Variants in GPHN observed in about 807,000 individuals in gnomAD.
GPHN encodes gephyrin.
In GPHN, 17 loss-of-function variants were observed where a neutral mutation model predicts 95.5. The observed-to-expected ratio is 0.18, with a 90% CI of 0.12 to 0.27. The LOEUF is 0.27. Ranked by LOEUF, GPHN falls within the 10% of genes least tolerant of loss-of-function variation. The pLI is 1.00. For missense variants in GPHN, 660 were observed against 978.1 expected, an observed-to-expected ratio of 0.67 and a Z score of 4.34; for synonymous variants, 320 against 322.5, an observed-to-expected ratio of 0.99 and a Z score of 0.08.
At position 66,757,010 on chromosome 14, in the gene GPHN, C is replaced by T. The variant is rs2058580914; in HGVS notation, c.144-19454C>T. On this transcript the variant is annotated intron_variant, in intron 2 of 22. Transcript: ENST00000478722. ...ATGCCACAGATACTTGAGTTCAGCT[C>T]ATTAAATTTTCTATTATTTCATTAA... Among the ~76,000 whole-genome samples, 6 of 152,158 alleles carry T rather than the reference C, an allele frequency of 3.9e-5. No individual in the cohort carries two copies. The South Asian group carries it at 1.0e-3, about 26-fold the overall frequency.
chr14:67,298,963 A>C, the GPHN span, among the ~76,000 whole-genome samples: 28 of 152,208 alleles, frequency 1.8e-4, no homozygotes, highest in Admixed American at 1.8e-3. Context: ...TTTGCTTAGT[A>C]TAATGTTTTT....
intron 2 of GPHN, among the ~76,000 whole-genome samples, chr14:66,773,440 G>A (rs769050849): frequency 7.0e-6 from 1 of 143,596 alleles, no homozygotes; most frequent in Non-Finnish European, 1.5e-5. Flanking sequence ...TGCAACCTCT[G>A]TCTCCCGGGT....
chr14:67,083,451 T>G (rs149427491), intron 11 of GPHN, among the ~76,000 whole-genome samples: 2 of 152,244 alleles, frequency 1.3e-5, no homozygotes, highest in East Asian at 3.9e-4. Flanking sequence ...ATTGTAAGTT[T>G]CCTGAGGCCT....
At chr14:67,284,547 T>TAAAAAAAAAA in the GPHN span, among the ~76,000 whole-genome samples, 57 of 23,290 alleles carry the variant, frequency 2.4e-3, 13 homozygotes, top group African/African-American at 3.1e-3. Context: ...GCTGCAGTGC[T>TAAAAAAAAAA]AAAAAAAAAA....
chr14:67,521,256 C>T, the GPHN span, among the ~76,000 whole-genome samples: 1 of 152,350 alleles, frequency 6.6e-6, no homozygotes. Context: ...CAAAGTCAGA[C>T]TTCTGTATAG....
the GPHN span, chr14:67,648,154 T>C: frequency 1.2e-6 from 2 of 1,614,030 alleles, no homozygotes; most frequent in Non-Finnish European, 1.7e-6. Context: ...CGAGAAGGCA[T>C]GTATATTGCT....
chr14:66,980,619 G>A (rs964062597), intron 9 of GPHN, among the ~76,000 whole-genome samples: 1 of 151,832 alleles, frequency 6.6e-6, no homozygotes, highest in Non-Finnish European at 1.5e-5. Context: ...AGATTTAAAG[G>A]TCTAATTTTG....
the GPHN span, among the ~76,000 whole-genome samples, chr14:67,280,339 T>C: frequency 6.6e-6 from 1 of 152,242 alleles, no homozygotes; most frequent in African/African-American, 2.4e-5. Context: ...ATTTTATTTT[T>C]TGGTGGTTTG....
chr14:67,458,194 A>T, the GPHN span, among the ~76,000 whole-genome samples: 1 of 152,130 alleles, frequency 6.6e-6, no homozygotes, highest in Admixed American at 6.5e-5. Context: ...GACCCATTAG[A>T]GTGCGTACAG....
chr14:67,441,195 G>A, the GPHN span, among the ~76,000 whole-genome samples: 1 of 152,150 alleles, frequency 6.6e-6, no homozygotes, highest in Admixed American at 6.5e-5. Flanking sequence ...TAACCAACTT[G>A]GGGTCCAAGT....
intron 18 of GPHN, among the ~76,000 whole-genome samples, chr14:67,153,720 GT>G (rs2081416559): frequency 6.6e-6 from 1 of 152,196 alleles, no homozygotes; most frequent in South Asian, 2.1e-4. Context: ...CCATTTCAAA[GT>G]TTTGCACAAT....
chr14:66,995,199 A>T (rs2071703535), intron 9 of GPHN, among the ~76,000 whole-genome samples: 1 of 152,212 alleles, frequency 6.6e-6, no homozygotes, highest in South Asian at 2.1e-4. Context: ...ACAGAATTGA[A>T]CATGGCAGTG....
At chr14:67,424,804 C>T in the GPHN span, among the ~76,000 whole-genome samples, 34 of 152,242 alleles carry the variant, frequency 2.2e-4, 1 homozygote, top group Admixed American at 9.2e-4. Context: ...TTCAGATCAG[C>T]ACAGACATGC....
the GPHN span, among the ~76,000 whole-genome samples, chr14:67,226,562 T>C: frequency 6.6e-6 from 1 of 152,166 alleles, no homozygotes; most frequent in East Asian, 1.9e-4. Flanking sequence ...GGTTTCACCA[T>C]GTTGGCCAGG....
At chr14:67,151,638 G>GTTTGTT (rs538112393) in intron 18 of GPHN, among the ~76,000 whole-genome samples, 125 of 152,172 alleles carry the variant, frequency 8.2e-4, no homozygotes, top group African/African-American at 2.8e-3. Context: ...CCCTTTGTTT[G>GTTTGTT]TTTGTTTTTG....
chr14:67,463,495 TG>T, the GPHN span, among the ~76,000 whole-genome samples: 1 of 151,896 alleles, frequency 6.6e-6, no homozygotes, highest in Non-Finnish European at 1.5e-5. Flanking sequence ...AAAAATTAAC[TG>T]GGCGTGGCGG....
intron 5 of GPHN, among the ~76,000 whole-genome samples, chr14:66,883,907 C>T (rs1307755365): frequency 1.3e-5 from 2 of 152,064 alleles, no homozygotes; most frequent in East Asian, 1.9e-4. Context: ...AATTCACATC[C>T]AAAATTAGAG....
intron 4 of GPHN, among the ~76,000 whole-genome samples, chr14:66,835,755 A>G (rs534418118): frequency 1.3e-5 from 2 of 151,882 alleles, no homozygotes; most frequent in Admixed American, 1.3e-4. Context: ...AAGTCTCAGG[A>G]TACAAAATCA....
At chr14:66,958,334 C>CT (rs973521717) in intron 8 of GPHN, among the ~76,000 whole-genome samples, 1 of 152,126 alleles carries the variant, frequency 6.6e-6, no homozygotes, top group African/African-American at 2.4e-5. Context: ...CATAGAATAT[C>CT]TTTTTCCATT....
Sources: allele counts gnomAD v4.1 joint callset (sites outside exome capture counted in the v4.1 genomes callset), GRCh38; gene constraint gnomAD v4.1.1; transcripts MANE v1.5; gene names NCBI Gene and HGNC (gene_info 2026-07-23, HGNC 2026-07-21).